ZNF516: variants seen among roughly 807,000 people sequenced by gnomAD.
ZNF516 encodes zinc finger protein 516.
A neutral mutation model predicts 79.7 loss-of-function variants in ZNF516; 19 were observed. That is an observed-to-expected ratio of 0.24 (90% confidence interval 0.17 to 0.35). The LOEUF (loss-of-function observed/expected upper bound fraction) is 0.35. ZNF516 is among the 10% of genes least tolerant of loss of function. The pLI, the probability that ZNF516 is intolerant of heterozygous loss-of-function variation, is 1.00. For missense variants in ZNF516, 1,678 were observed against 1,679.5 expected (o/e 1.00, Z 0.02); for synonymous variants, 877 against 739.5 (o/e 1.19, Z -3.02).
At chr18:76,445,546 T>G (rs1316453201) in intron 2 of ZNF516, among the ~76,000 whole-genome samples, 1 of 152,206 alleles carries the variant, frequency 6.6e-6, no homozygotes, top group Non-Finnish European at 1.5e-5. Context: ...ACTTAGTGAC[T>G]GGATGTGGTA....
intron 3 of ZNF516, among the ~76,000 whole-genome samples, 183 bp from the exon 4 acceptor site, chr18:76,380,486 G>C (rs1473384233): frequency 6.6e-6 from 1 of 152,126 alleles, no homozygotes; most frequent in Non-Finnish European, 1.5e-5. Context: ...AAAAGGGGGT[G>C]AGTCAGGCAG....
intron 3 of ZNF516, among the ~76,000 whole-genome samples, chr18:76,403,077 C>T (rs1317693087): frequency 3.9e-5 from 6 of 152,258 alleles, no homozygotes; most frequent in African/African-American, 1.2e-4. Flanking sequence ...CCTGGCACTA[C>T]TGTCATTTCC....
intron 1 of ZNF516, among the ~76,000 whole-genome samples, chr18:76,464,148 A>C (rs544704902): frequency 6.6e-6 from 1 of 151,742 alleles, no homozygotes; most frequent in East Asian, 1.9e-4. Flanking sequence ...ACATGGTAAA[A>C]CCCCGTCTGT....
At chr18:76,482,984 T>G (rs747192892) in intron 1 of ZNF516, among the ~76,000 whole-genome samples, 1 of 152,136 alleles carries the variant, frequency 6.6e-6, no homozygotes, top group Non-Finnish European at 1.5e-5. Context: ...TAATGAAGAG[T>G]ACTCAGTACT....
chr18:76,440,768 A>G (rs4891163), intron 3 of ZNF516, among the ~76,000 whole-genome samples: 109,932 of 137,982 alleles, frequency 0.8, 40,981 homozygotes, highest in African/African-American at 0.92. Flanking sequence ...GTGTGCGCGC[A>G]CGCGCGCATG....
At chr18:76,458,064 C>T (rs562505168) in intron 2 of ZNF516, among the ~76,000 whole-genome samples, 1 of 152,182 alleles carries the variant, frequency 6.6e-6, no homozygotes, top group South Asian at 2.1e-4. Flanking sequence ...GTTTTAAATA[C>T]GCAGAGGGCC....
intron 1 of ZNF516, chr18:76,491,178 G>A: frequency 2.3e-6 from 2 of 888,860 alleles, no homozygotes; most frequent in Non-Finnish European, 2.7e-6. Flanking sequence ...CCGCGCCTCG[G>A]CCCCCGGAGC....
At chr18:76,479,555 C>T (rs958238398) in intron 1 of ZNF516, among the ~76,000 whole-genome samples, 3 of 152,200 alleles carry the variant, frequency 2.0e-5, no homozygotes, top group Admixed American at 1.3e-4. Flanking sequence ...GGAAGACGCA[C>T]AGGCGTTCGT....
intron 2 of ZNF516, among the ~76,000 whole-genome samples, chr18:76,458,300 C>G (rs968705847): frequency 4.6e-5 from 7 of 152,220 alleles, no homozygotes; most frequent in Non-Finnish European, 2.9e-5. Context: ...ACCCTACAGA[C>G]AGCACTGTGG....
Position 76,380,062 on chromosome 18 carries a change from C to A in ZNF516, c.2052G>T (p.Val684=). 6.2e-7 allele frequency: 1 copy of A among 1,613,972 alleles called. No individual in the cohort carries two copies. Among genetic ancestry groups the A allele is most frequent in the Non-Finnish European group, 8.5e-7 (1 of 1,179,882 alleles). ...ACTCCACACCATCACCAGGGACGGG[C>A]ACCTCCTGCTTGGGGTGAAATGCTG... The part of the protein sequence containing the change: ...KMPAFHPKQE[V]PVPGDGVEFP... Residue 684 remains valine (V), a synonymous_variant, in exon 4 of 7, where the codon GTG becomes GTT. Transcript: ENST00000443185.
chr18:76,426,135 T>C (rs2075590193), intron 3 of ZNF516, among the ~76,000 whole-genome samples: 1 of 152,266 alleles, frequency 6.6e-6, no homozygotes, highest in African/African-American at 2.4e-5. Flanking sequence ...GTTAAATCTC[T>C]ATTTCCACAA....
intron 1 of ZNF516, among the ~76,000 whole-genome samples, chr18:76,470,000 A>C (rs990697443): frequency 6.6e-6 from 1 of 152,272 alleles, no homozygotes; most frequent in African/African-American, 2.4e-5. Context: ...TTAAGTAAAT[A>C]ATCTACTGTT....
chr18:76,471,086 T>C (rs187498099), intron 1 of ZNF516, among the ~76,000 whole-genome samples: 211 of 152,310 alleles, frequency 1.4e-3, no homozygotes, highest in Middle Eastern at 3.4e-3. Flanking sequence ...ATCAAAAATA[T>C]GATTTACAGT....
intron 4 of ZNF516, among the ~76,000 whole-genome samples, chr18:76,375,485 C>T (rs1444110829): frequency 2.8e-5 from 4 of 143,362 alleles, no homozygotes; most frequent in Admixed American, 6.9e-5. Flanking sequence ...AGAGGATGGA[C>T]AGGGAAAGCC....
chr18:76,458,490 A>T (rs1473631962), intron 2 of ZNF516, among the ~76,000 whole-genome samples: 1 of 152,204 alleles, frequency 6.6e-6, no homozygotes, highest in Admixed American at 6.5e-5. Flanking sequence ...TCTCCCTCCC[A>T]ACACAGATGT....
At chr18:76,490,917 C>T (rs1915142100) in intron 1 of ZNF516, 1 of 985,620 alleles carries the variant, frequency 1.0e-6, no homozygotes, top group Non-Finnish European at 1.2e-6. Context: ...GAGCCATCCC[C>T]GGCCTCTTTA....
At chr18:76,462,145 C>T (rs1273393960) in intron 2 of ZNF516, among the ~76,000 whole-genome samples, 3 of 152,200 alleles carry the variant, frequency 2.0e-5, no homozygotes, top group Non-Finnish European at 4.4e-5. Context: ...CGCCGATGAG[C>T]GCTGGTGACC....
At chr18:76,477,929 T>A (rs1009646539) in intron 1 of ZNF516, among the ~76,000 whole-genome samples, 1 of 152,186 alleles carries the variant, frequency 6.6e-6, no homozygotes, top group Non-Finnish European at 1.5e-5. Context: ...ACCAGTATTG[T>A]TATCCATTTT....
chr18:76,457,530 C>G (rs1912802005), intron 2 of ZNF516, among the ~76,000 whole-genome samples: 1 of 152,128 alleles, frequency 6.6e-6, no homozygotes, highest in African/African-American at 2.4e-5. Flanking sequence ...GCAAAAATAA[C>G]AAGATCCCAT....
Sources: allele counts gnomAD v4.1 joint callset (sites outside exome capture counted in the v4.1 genomes callset), GRCh38; gene constraint gnomAD v4.1.1; transcripts MANE v1.5; gene names NCBI Gene and HGNC (gene_info 2026-07-23, HGNC 2026-07-21).